NF1: variants seen among roughly 807,000 people sequenced by gnomAD.
NF1 encodes neurofibromin 1.
NF1 carries 122 observed loss-of-function variants against 325.7 expected under a neutral mutation model. That is an observed-to-expected ratio of 0.37 (90% CI 0.32 to 0.44). NF1 has a LOEUF of 0.44. NF1 is among the 20% of genes least tolerant of loss of function. The probability of loss-of-function intolerance (pLI) is 1.00; values close to 1 mark genes in which losing one functional copy is unlikely to be tolerated. For synonymous variants in NF1, 1,091 were observed against 1,186.0 expected (o/e 0.92, Z 1.65); for missense variants, 2,140 against 3,415.4 (o/e 0.63, Z 9.31).
chr17:31,106,553 G>A (rs529575392), intron 1 of NF1, among the ~76,000 whole-genome samples: 2 of 152,292 alleles, frequency 1.3e-5, no homozygotes, highest in East Asian at 3.9e-4. Context: ...TTACTAACAG[G>A]TAGTACAAAT....
rs773017698 is a variant in NF1 at position 31,206,378 on chromosome 17, T to C, written c.1392+7T>C. On this transcript the variant is annotated splice_region_variant and intron_variant, in intron 12 of 57. Transcript: ENST00000358273. Reference sequence around the variant, plus strand: ...AGCAATACGAATGGCACCGGTAAGATAAATCACGAATTTTGAATCTCACCT... The same window carrying C: ...AGCAATACGAATGGCACCGGTAAGACAAATCACGAATTTTGAATCTCACCT... 9 of 1,613,476 alleles carry C rather than the reference T, an allele frequency of 5.6e-6. No individual in the cohort carries two copies. In the African/African-American group the frequency reaches 9.3e-5, roughly 17 times the overall value.
rs1369290988 is a variant in NF1 at position 31,095,360 on chromosome 17, C to G, written c.51C>G (p.Phe17Leu). 6.5e-7 allele frequency: 1 copy of G among 1,539,732 alleles called. No homozygotes were observed. Among genetic ancestry groups the G allele is most frequent in the Non-Finnish European group, 8.7e-7 (1 of 1,146,402 alleles). ...VEWVQAVVSRFDEQLPIKTGQ... is the reference protein window; with the variant it reads ...VEWVQAVVSRLDEQLPIKTGQ... ...GGGTCCAGGCCGTGGTCAGCCGCTT[C>G]GACGAGCAGGTAACCGGCCCGTGGC... Residue 17 changes from phenylalanine to leucine, a missense_variant, in exon 1 of 58, where the codon TTC becomes TTG. Phe to Leu is a conservative substitution (Grantham distance 22, BLOSUM62 0). Transcript: ENST00000358273.
At chr17:31,146,250 C>G (rs1916576674) in intron 1 of NF1, among the ~76,000 whole-genome samples, 1 of 152,108 alleles carries the variant, frequency 6.6e-6, no homozygotes, top group Non-Finnish European at 1.5e-5. Flanking sequence ...TCTGGGGAGA[C>G]AAGATTTTTG....
intron 39 of NF1, 27 bp downstream of exon 39, chr17:31,330,525 C>T: frequency 1.4e-6 from 2 of 1,470,798 alleles, no homozygotes; most frequent in Non-Finnish European, 1.9e-6. Flanking sequence ...TTCTTTAATA[C>T]TAACAATTAT....
intron 11 of NF1, among the ~76,000 whole-genome samples, chr17:31,203,746 T>C (rs920162885): frequency 6.6e-6 from 1 of 152,184 alleles, no homozygotes; most frequent in African/African-American, 2.4e-5. Flanking sequence ...ATAAGTTCTC[T>C]TCTCCCATGG....
chr17:31,310,940 CTT>C (rs77429998), intron 36 of NF1, among the ~76,000 whole-genome samples: 15 of 130,822 alleles, frequency 1.1e-4, no homozygotes, highest in African/African-American at 8.4e-5. Context: ...AAGACATGTT[CTT>C]TTTTTTTTTT....
intron 8 of NF1, among the ~76,000 whole-genome samples, chr17:31,191,470 G>A (rs918276980): frequency 1.3e-5 from 2 of 152,074 alleles, no homozygotes; most frequent in African/African-American, 4.8e-5. Context: ...CTACTGACTC[G>A]GCAACATGTG....
chr17:31,327,678 G>A lies in NF1; in HGVS notation c.5448G>A (p.Glu1816=). 1.2e-6 allele frequency: 2 copies of A among 1,614,146 alleles called. No individual in the cohort carries two copies. Among genetic ancestry groups the A allele is most frequent in the Non-Finnish European group, 1.7e-6 (2 of 1,180,036 alleles). Reference sequence around the variant, plus strand: ...CGCCGCTCACCTTCATGCACCAGGAGTGTGAAGCCATTGTCCAGTCTATCA... The same window carrying A: ...CGCCGCTCACCTTCATGCACCAGGAATGTGAAGCCATTGTCCAGTCTATCA... The part of the protein sequence containing the change: ...QGTPLTFMHQ[E]CEAIVQSIIH... Residue 1816 remains glutamate (E), a synonymous_variant, in exon 38 of 58, where the codon GAG becomes GAA. Transcript: ENST00000358273.
At chr17:31,167,786 C>G (rs1250831756) in intron 4 of NF1, among the ~76,000 whole-genome samples, 1 of 152,078 alleles carries the variant, frequency 6.6e-6, no homozygotes, top group East Asian at 1.9e-4. Flanking sequence ...TTAAAAATAT[C>G]TACATATTTG....
chr17:31,359,854 G>A (rs570195040), intron 56 of NF1: 1 of 156,522 alleles, frequency 6.4e-6, no homozygotes, highest in African/African-American at 2.4e-5. Flanking sequence ...ATTGATCAAA[G>A]TTCCTTGAAG....
chr17:31,235,426 A>G (rs867209845), intron 27 of NF1, among the ~76,000 whole-genome samples, 185 bp from the exon 28 acceptor site: 6 of 152,232 alleles, frequency 3.9e-5, no homozygotes, highest in African/African-American at 1.2e-4. Context: ...TAGACATTGT[A>G]TATAGTCATC....
In NF1 at chr17:31,337,570, G is replaced by A. The variant is rs886052801; in HGVS notation, c.6630G>A (p.Leu2210=). ...TSLETVTEAL[L]EIMEACMRDI... is the part of the protein sequence containing the mutation. ...TGGAAACAGTCACAGAAGCTTTGTT[G>A]GAGATCATGGAGGTATAGAAGCCAA... Residue 2210 remains leucine (L), a synonymous_variant, in exon 43 of 58, where the codon TTG becomes TTA. Transcript: ENST00000358273. 6.2e-7 allele frequency: 1 copy of A among 1,613,914 alleles called. No individual in the cohort carries two copies. Among genetic ancestry groups the A allele is most frequent in the Non-Finnish European group, 8.5e-7 (1 of 1,179,896 alleles).
At chr17:31,233,372 TG>T (rs1266813689) in intron 27 of NF1, among the ~76,000 whole-genome samples, 159 bp downstream of exon 27, 1 of 152,240 alleles carries the variant, frequency 6.6e-6, no homozygotes, top group Non-Finnish European at 1.5e-5. Flanking sequence ...GGGAAGTGGT[TG>T]GCACCACTAG....
chr17:31,236,501 G>T (rs1338807759), intron 29 of NF1, among the ~76,000 whole-genome samples: 1 of 152,026 alleles, frequency 6.6e-6, no homozygotes, highest in African/African-American at 2.4e-5. Flanking sequence ...GTGCACTGGC[G>T]CAGTCTCGGC....
chr17:31,133,274 G>C (rs976417281), intron 1 of NF1: 1 of 152,200 alleles, frequency 6.6e-6, no homozygotes, highest in African/African-American at 2.4e-5. Context: ...GTTTCCGTTA[G>C]TGTAATGTCT....
At chr17:31,309,420 C>T (rs2068810761) in intron 36 of NF1, among the ~76,000 whole-genome samples, 1 of 152,116 alleles carries the variant, frequency 6.6e-6, no homozygotes, top group South Asian at 2.1e-4. Flanking sequence ...AAAATTTGAA[C>T]ACTTTTGGCA....
intron 36 of NF1, among the ~76,000 whole-genome samples, chr17:31,275,354 A>G (rs2067985651): frequency 6.6e-6 from 1 of 152,212 alleles, no homozygotes; most frequent in Admixed American, 6.5e-5. Context: ...TAGTCAACCC[A>G]CTTCATCTTA....
chr17:31,228,268 G>T (rs76394250), intron 20 of NF1, among the ~76,000 whole-genome samples: 1 of 152,078 alleles, frequency 6.6e-6, no homozygotes, highest in Non-Finnish European at 1.5e-5. Context: ...TGTTCATATT[G>T]CTCTCATTAT....
chr17:31,200,981 AAAG>A, intron 9 of NF1, 53 bp from the exon 10 acceptor site: 1 of 1,608,722 alleles, frequency 6.2e-7, no homozygotes, highest in Admixed American at 1.7e-5. Context: ...ACATGTTAGT[AAAG>A]AAATACTGCA....
Sources: gnomAD v4.1 joint callset for allele counts (sites outside exome capture counted in the v4.1 genomes callset) on GRCh38, gnomAD v4.1.1 for gene constraint, MANE v1.5 for transcripts, NCBI Gene and HGNC (gene_info 2026-07-23, HGNC 2026-07-21) for gene names.